Variants in TNR observed in about 807,000 individuals in gnomAD.
The protein encoded by TNR is tenascin R, also known as tenascin-R.
A neutral mutation model predicts 150.4 loss-of-function variants in TNR; 45 were observed. That is an observed-to-expected ratio of 0.30 (90% confidence interval 0.24 to 0.38). TNR has a LOEUF of 0.38. Ranked by LOEUF, TNR falls within the 10% of genes least tolerant of loss-of-function variation. The pLI, the probability that TNR is intolerant of heterozygous loss-of-function variation, is 1.00. For synonymous variants in TNR, 687 were observed against 678.4 expected (o/e 1.01, Z -0.20); for missense variants, 1,544 against 1,759.1 (o/e 0.88, Z 2.19).
intron 2 of TNR, among the ~76,000 whole-genome samples, chr1:175,497,609 G>A (rs1658541444): frequency 6.6e-6 from 1 of 152,166 alleles, no homozygotes; most frequent in African/African-American, 2.4e-5. Flanking sequence ...GTGTTGTACT[G>A]CCTTGTGGGA....
intron 1 of TNR, among the ~76,000 whole-genome samples, chr1:175,677,617 A>G (rs1342251313): frequency 6.6e-6 from 1 of 152,190 alleles, no homozygotes; most frequent in East Asian, 1.9e-4. Context: ...CCAGGAGGAA[A>G]AGCCAAGACA....
chr1:175,654,372 C>T (rs1310935683), intron 1 of TNR, among the ~76,000 whole-genome samples: 2 of 152,150 alleles, frequency 1.3e-5, no homozygotes, highest in African/African-American at 4.8e-5. Context: ...AGTTAACCCC[C>T]CTTCATCTTG....
intron 8 of TNR, 43 bp downstream of exon 8, chr1:175,385,989 C>T (rs1318892089): frequency 3.9e-6 from 6 of 1,526,628 alleles, no homozygotes; most frequent in Middle Eastern, 3.6e-4. Flanking sequence ...TGGCTCCACC[C>T]CTCTTTCCCT....
intron 2 of TNR, among the ~76,000 whole-genome samples, chr1:175,427,239 A>G (rs890627303): frequency 4.6e-5 from 7 of 152,026 alleles, no homozygotes; most frequent in Admixed American, 3.9e-4. Context: ...AGCACTGTCC[A>G]ATGACTATAC....
At chr1:175,592,361 T>C (rs1028621996) in intron 1 of TNR, among the ~76,000 whole-genome samples, 1 of 152,228 alleles carries the variant, frequency 6.6e-6, no homozygotes, top group Non-Finnish European at 1.5e-5. Context: ...AAGTGATAAA[T>C]AGGTGAGGAG....
intron 1 of TNR, among the ~76,000 whole-genome samples, chr1:175,571,860 C>T (rs1182685175): frequency 1.3e-5 from 2 of 152,200 alleles, no homozygotes; most frequent in Non-Finnish European, 2.9e-5. Flanking sequence ...TAGGGACTGT[C>T]AAAGGCAACC....
intron 2 of TNR, among the ~76,000 whole-genome samples, chr1:175,421,457 G>A (rs1654753878): frequency 2.0e-5 from 3 of 152,162 alleles, no homozygotes; most frequent in Admixed American, 2.0e-4. Flanking sequence ...AAAGCCCAAA[G>A]CAGGTGAGCT....
chr1:175,553,276 A>G (rs1463696038), intron 1 of TNR, among the ~76,000 whole-genome samples: 1 of 152,154 alleles, frequency 6.6e-6, no homozygotes, highest in Non-Finnish European at 1.5e-5. Context: ...GGGATTAGAA[A>G]GGCTCATGTG....
chr1:175,614,196 T>C (rs1439678720), intron 1 of TNR, among the ~76,000 whole-genome samples: 2 of 152,210 alleles, frequency 1.3e-5, no homozygotes, highest in Non-Finnish European at 2.9e-5. Flanking sequence ...AATTCTATTG[T>C]TGTCAAATTG....
chr1:175,554,499 T>A (rs1420940827), intron 1 of TNR, among the ~76,000 whole-genome samples: 1 of 152,206 alleles, frequency 6.6e-6, no homozygotes, highest in Non-Finnish European at 1.5e-5. Context: ...AGCATAGGGT[T>A]CTATTTGTTT....
chr1:175,696,766 C>A (rs1400629398), intron 1 of TNR, among the ~76,000 whole-genome samples: 16 of 151,734 alleles, frequency 1.1e-4, no homozygotes, highest in Admixed American at 1.1e-3. Flanking sequence ...GTAATCCCAG[C>A]TACTCAGGAG....
intron 1 of TNR, among the ~76,000 whole-genome samples, chr1:175,639,893 G>A (rs773429795): frequency 6.6e-6 from 1 of 152,058 alleles, no homozygotes; most frequent in African/African-American, 2.4e-5. Flanking sequence ...AGAACCTTCC[G>A]TAACCATTGA....
intron 2 of TNR, among the ~76,000 whole-genome samples, chr1:175,459,553 C>T (rs967443349): frequency 2.6e-5 from 4 of 152,186 alleles, no homozygotes; most frequent in African/African-American, 9.7e-5. Context: ...AAGGCCAATG[C>T]TACAAAGAAA....
chr1:175,372,365 C>T (rs888412733), intron 9 of TNR, among the ~76,000 whole-genome samples: 1 of 152,182 alleles, frequency 6.6e-6, no homozygotes, highest in African/African-American at 2.4e-5. Flanking sequence ...ACTAAGAGGA[C>T]ACGATCAGCA....
intron 1 of TNR, among the ~76,000 whole-genome samples, chr1:175,683,181 C>T (rs967226251): frequency 6.6e-6 from 1 of 152,110 alleles, no homozygotes; most frequent in African/African-American, 2.4e-5. Flanking sequence ...CTTCCATGCC[C>T]TTCTCTCCTT....
chr1:175,711,825 T>C (rs1667026133), intron 1 of TNR, among the ~76,000 whole-genome samples: 2 of 152,218 alleles, frequency 1.3e-5, no homozygotes, highest in African/African-American at 4.8e-5. Flanking sequence ...GATTGTTATC[T>C]GAGTTGGGAA....
intron 2 of TNR, among the ~76,000 whole-genome samples, chr1:175,452,212 T>C (rs1460283903): frequency 1.3e-5 from 2 of 152,178 alleles, no homozygotes; most frequent in Non-Finnish European, 2.9e-5. Flanking sequence ...TATTCAGACT[T>C]AAGGAATCCC....
At chr1:175,694,554 T>C (rs1246640394) in intron 1 of TNR, among the ~76,000 whole-genome samples, 1 of 152,260 alleles carries the variant, frequency 6.6e-6, no homozygotes, top group Admixed American at 6.5e-5. Flanking sequence ...TCTAGTACTT[T>C]TCTATTGCTG....
intron 1 of TNR, among the ~76,000 whole-genome samples, chr1:175,725,966 AG>A (rs1283405637): frequency 6.6e-6 from 1 of 152,202 alleles, no homozygotes; most frequent in Non-Finnish European, 1.5e-5. Context: ...GATGGGAGGA[AG>A]CATTAGAGGT....
Sources: allele counts gnomAD v4.1 joint callset (sites outside exome capture counted in the v4.1 genomes callset), GRCh38; gene constraint gnomAD v4.1.1; transcripts MANE v1.5; gene names NCBI Gene and HGNC (gene_info 2026-07-23, HGNC 2026-07-21).